Variants in PCCA observed in about 807,000 individuals in gnomAD.
PCCA encodes the protein propionyl-CoA carboxylase alpha chain, mitochondrial.
PCCA carries 74 observed loss-of-function variants against 101.3 expected under a neutral mutation model. The ratio of observed to expected loss-of-function variants is 0.73; its 90% confidence interval spans 0.61 to 0.89. The LOEUF is 0.89. Among genes scored for constraint, PCCA ranks in the 40% least tolerant of loss-of-function variants. PCCA has a pLI of 0.00. For synonymous variants in PCCA, 294 were observed against 313.6 expected (o/e 0.94, Z 0.66); for missense variants, 891 against 907.0 (o/e 0.98, Z 0.23).
chr13:100,214,159 G>A lies in PCCA; in HGVS notation c.600+4696G>A, dbSNP rs529879298. The stretch of plus-strand genomic sequence containing the variant: ...TAAGTCAAGTAGTGTGATTCCTCCA[G>A]TTTTGTTCATTTTCCTCAGGATAGC... On this transcript the variant is annotated intron_variant, in intron 7 of 23. Transcript: ENST00000376285. Among the ~76,000 whole-genome samples, 137 of 152,112 alleles carry A rather than the reference G, an allele frequency of 9.0e-4. 1 individual carries two copies. The highest frequency in any genetic ancestry group is 2.4e-3 in the African/African-American group (100 of 41,510).
intron 4 of PCCA, among the ~76,000 whole-genome samples, chr13:100,143,121 T>G (rs1248504515): frequency 6.6e-6 from 1 of 152,200 alleles, no homozygotes; most frequent in Non-Finnish European, 1.5e-5. Flanking sequence ...TCTCTTATAC[T>G]CTGTAAACTA....
At chr13:100,146,452 G>A (rs2052577214) in intron 4 of PCCA, among the ~76,000 whole-genome samples, 1 of 151,732 alleles carries the variant, frequency 6.6e-6, no homozygotes, top group Non-Finnish European at 1.5e-5. Context: ...GCACATGCCT[G>A]TAATCCCAGC....
intron 19 of PCCA, among the ~76,000 whole-genome samples, chr13:100,419,165 G>A (rs1206115796): frequency 6.6e-6 from 1 of 151,894 alleles, no homozygotes; most frequent in Non-Finnish European, 1.5e-5. Context: ...AGAATAATGA[G>A]AATTCAGAAG....
chr13:100,346,882 T>G (rs540675173), intron 18 of PCCA, among the ~76,000 whole-genome samples: 84 of 152,210 alleles, frequency 5.5e-4, no homozygotes, highest in Middle Eastern at 6.8e-3. Context: ...TAATAAAGTT[T>G]TTTTTTTTGG....
chr13:100,453,071 C>G (rs1049623314), intron 21 of PCCA, among the ~76,000 whole-genome samples: 1 of 152,026 alleles, frequency 6.6e-6, no homozygotes, highest in African/African-American at 2.4e-5. Context: ...TGGTGCATGT[C>G]TGTGGTCCCA....
chr13:100,291,982 C>T (rs1243046510), intron 12 of PCCA, among the ~76,000 whole-genome samples: 1 of 152,172 alleles, frequency 6.6e-6, no homozygotes, highest in Admixed American at 6.5e-5. Context: ...CATCTTCTCC[C>T]TAGATCTTGG....
intron 8 of PCCA, among the ~76,000 whole-genome samples, chr13:100,251,083 A>G (rs181706269): frequency 3.5e-4 from 54 of 152,312 alleles, no homozygotes; most frequent in Non-Finnish European, 1.6e-4. Context: ...GAGTTCTGCT[A>G]GTAGGCCAGT....
At chr13:100,320,808 G>C (rs2067948006) in intron 16 of PCCA, among the ~76,000 whole-genome samples, 1 of 152,190 alleles carries the variant, frequency 6.6e-6, no homozygotes, top group African/African-American at 2.4e-5. Context: ...CTGGAGTGCA[G>C]TGGCACAATT....
At chr13:100,374,972 T>G (rs935856282) in intron 19 of PCCA, among the ~76,000 whole-genome samples, 1 of 152,230 alleles carries the variant, frequency 6.6e-6, no homozygotes, top group Non-Finnish European at 1.5e-5. Context: ...GTGTCGATTT[T>G]AGATCTTTCC....
intron 18 of PCCA, among the ~76,000 whole-genome samples, chr13:100,355,422 T>G (rs894657477): frequency 8.5e-5 from 13 of 152,062 alleles, no homozygotes; most frequent in African/African-American, 3.1e-4. Flanking sequence ...TAGAAAATCT[T>G]GAGGAATTGA....
chr13:100,493,208 G>T (rs1327789400), intron 21 of PCCA, among the ~76,000 whole-genome samples: 3 of 152,194 alleles, frequency 2.0e-5, no homozygotes, highest in Admixed American at 2.0e-4. Flanking sequence ...TCCCATAAGG[G>T]GTTTGAGCAC....
At chr13:100,424,977 A>G (rs554903833) in intron 19 of PCCA, among the ~76,000 whole-genome samples, 5 of 152,162 alleles carry the variant, frequency 3.3e-5, no homozygotes, top group Non-Finnish European at 7.4e-5. Flanking sequence ...TGATTTTTAA[A>G]TTTCCATTAC....
chr13:100,474,427 A>G (rs2083255611), intron 21 of PCCA, among the ~76,000 whole-genome samples: 1 of 145,770 alleles, frequency 6.9e-6, no homozygotes, highest in African/African-American at 2.6e-5. Context: ...TTATAATTTT[A>G]TGTATTTACT....
At position 100,486,051 on chromosome 13, in the gene PCCA, T is replaced by C. The variant is rs984735000; in HGVS notation, c.1900-29376T>C. On this transcript the variant is annotated intron_variant, in intron 21 of 23. Coordinates refer to ENST00000376285, the MANE Select transcript of PCCA (RefSeq NM_000282.4). ...TTCATTCCCACTACCACCCACAGTTTCTGCATATGGCAGGTCGGAGCCCAT... is the reference window on the plus strand; with the variant it reads ...TTCATTCCCACTACCACCCACAGTTCCTGCATATGGCAGGTCGGAGCCCAT... 3.9e-5 allele frequency among the ~76,000 whole-genome samples: 6 copies of C among 152,334 alleles called. No individual in the cohort carries two copies. The South Asian group carries it at 8.3e-4, about 21-fold the overall frequency.
intron 18 of PCCA, among the ~76,000 whole-genome samples, 181 bp downstream of exon 18, chr13:100,340,440 GT>G (rs2071127088): frequency 6.6e-6 from 1 of 152,138 alleles, no homozygotes; most frequent in Non-Finnish European, 1.5e-5. Flanking sequence ...GTTTAAACAA[GT>G]TTTTTTAAGT....
At chr13:100,423,383 C>T (rs187931801) in intron 19 of PCCA, among the ~76,000 whole-genome samples, 1 of 152,318 alleles carries the variant, frequency 6.6e-6, no homozygotes, top group Non-Finnish European at 1.5e-5. Flanking sequence ...ATACTTCCAT[C>T]TAGATTCCCT....
Position 100,209,788 on chromosome 13 carries a change from T to A in PCCA, c.600+325T>A, listed in dbSNP as rs113566641. ...CTGGGATTGCAGGTGCCTGCCACCA[T>A]GCCCAGCTAATTTTTGTATTTTTAG... On this transcript the variant is annotated intron_variant, in intron 7 of 23. Coordinates refer to ENST00000376285, the MANE Select transcript of PCCA (RefSeq NM_000282.4). 0.028 allele frequency among the ~76,000 whole-genome samples: 4,264 copies of A among 152,030 alleles called. 95 individuals carry two copies. Among genetic ancestry groups the A allele is most frequent in the Non-Finnish European group, 0.042 (2,857 of 67,970 alleles).
At chr13:100,456,460 A>G (rs113021918) in intron 21 of PCCA, among the ~76,000 whole-genome samples, 1,791 of 152,230 alleles carry the variant, frequency 0.012, 44 homozygotes, top group African/African-American at 0.041. Context: ...CAAAGAGATA[A>G]AGAGAAAGCA....
chr13:100,337,652 G>C (rs1381765555), intron 17 of PCCA, among the ~76,000 whole-genome samples: 2 of 152,204 alleles, frequency 1.3e-5, no homozygotes, highest in Non-Finnish European at 2.9e-5. Flanking sequence ...TGTGATGAAT[G>C]ATGGTCCATT....
Sources: gnomAD v4.1 joint callset for allele counts (sites outside exome capture counted in the v4.1 genomes callset) on GRCh38, gnomAD v4.1.1 for gene constraint, MANE v1.5 for transcripts, NCBI Gene and HGNC (gene_info 2026-07-23, HGNC 2026-07-21) for gene names.